The following SORCS1 variants were observed in gnomAD, a reference collection of about 807,000 sequenced individuals.
SORCS1 encodes the protein sortilin related VPS10 domain containing receptor 1, also known as VPS10 domain-containing receptor SorCS1.
A neutral mutation model predicts 146.1 loss-of-function variants in SORCS1; 60 were observed. The ratio of observed to expected loss-of-function variants is 0.41; its 90% CI spans 0.33 to 0.51. The LOEUF is 0.51. SORCS1 is among the 20% of genes least tolerant of loss of function. SORCS1 has a pLI of 0.21. For missense variants in SORCS1, 1,352 were observed against 1,487.6 expected (o/e 0.91, Z 1.50); for synonymous variants, 637 against 584.0 (o/e 1.09, Z -1.31).
chr10:106,983,617 G>A (rs893094819), intron 1 of SORCS1, among the ~76,000 whole-genome samples: 1 of 152,074 alleles, frequency 6.6e-6, no homozygotes, highest in Non-Finnish European at 1.5e-5. Context: ...TAGAGGTCCC[G>A]TAAGCAACAC....
chr10:107,137,348 C>T (rs1258597475), intron 1 of SORCS1, among the ~76,000 whole-genome samples: 1 of 152,162 alleles, frequency 6.6e-6, no homozygotes, highest in Non-Finnish European at 1.5e-5. Flanking sequence ...TCCTGGATGT[C>T]AGCATATAGT....
At chr10:107,037,900 C>G (rs1958972835) in intron 1 of SORCS1, among the ~76,000 whole-genome samples, 1 of 152,210 alleles carries the variant, frequency 6.6e-6, no homozygotes, top group Non-Finnish European at 1.5e-5. Flanking sequence ...GATCTTGGCT[C>G]ATTGCAGCCT....
intron 2 of SORCS1, among the ~76,000 whole-genome samples, chr10:106,885,193 T>C (rs1029073314): frequency 1.3e-5 from 2 of 152,022 alleles, no homozygotes; most frequent in African/African-American, 4.8e-5. Flanking sequence ...AATAATCATA[T>C]AATTTTTTCT....
At chr10:107,023,516 C>A (rs2133884316) in intron 1 of SORCS1, among the ~76,000 whole-genome samples, 1 of 152,242 alleles carries the variant, frequency 6.6e-6, no homozygotes, top group East Asian at 1.9e-4. Context: ...AAACACAAAG[C>A]AGAGCTTGTG....
intron 2 of SORCS1, among the ~76,000 whole-genome samples, chr10:106,949,092 G>C (rs369331018): frequency 2.0e-5 from 3 of 152,228 alleles, no homozygotes; most frequent in African/African-American, 7.2e-5. Flanking sequence ...GAACACCTCC[G>C]GATCCTGCCT....
At chr10:106,653,992 C>A (rs1302272876) in intron 17 of SORCS1, among the ~76,000 whole-genome samples, 1 of 152,168 alleles carries the variant, frequency 6.6e-6, no homozygotes, top group African/African-American at 2.4e-5. Flanking sequence ...CTCTTTCTCC[C>A]TCATAAGCCC....
intron 5 of SORCS1, among the ~76,000 whole-genome samples, chr10:106,742,301 C>A (rs148288703): frequency 6.6e-6 from 1 of 152,226 alleles, no homozygotes; most frequent in East Asian, 1.9e-4. Context: ...ACTGAGATAT[C>A]TTAGGGATGG....
At chr10:106,828,427 G>A (rs935306658) in intron 3 of SORCS1, among the ~76,000 whole-genome samples, 2 of 152,142 alleles carry the variant, frequency 1.3e-5, no homozygotes, top group African/African-American at 4.8e-5. Context: ...CACGTTTGGG[G>A]ACCACTTTTG....
intron 3 of SORCS1, among the ~76,000 whole-genome samples, chr10:106,824,186 C>T (rs913709913): frequency 6.6e-6 from 1 of 151,724 alleles, no homozygotes; most frequent in Non-Finnish European, 1.5e-5. Flanking sequence ...TGCCTTTAGT[C>T]CCAGCTACTC....
intron 4 of SORCS1, among the ~76,000 whole-genome samples, chr10:106,763,006 C>G (rs1008356124): frequency 4.6e-5 from 7 of 151,976 alleles, no homozygotes; most frequent in Non-Finnish European, 5.9e-5. Context: ...TTTTTTTAAG[C>G]CCGGAGCTCT....
At chr10:107,033,330 C>A (rs1016639699) in intron 1 of SORCS1, among the ~76,000 whole-genome samples, 1 of 152,074 alleles carries the variant, frequency 6.6e-6, no homozygotes. Context: ...GATCGCAACT[C>A]GAAATGAGAT....
chr10:107,139,806 A>G (rs1292588855), intron 1 of SORCS1, among the ~76,000 whole-genome samples: 2 of 152,220 alleles, frequency 1.3e-5, no homozygotes, highest in Non-Finnish European at 2.9e-5. Context: ...CATGGCTAAT[A>G]ACTGGATCAT....
intron 12 of SORCS1, among the ~76,000 whole-genome samples, chr10:106,678,069 C>G (rs1391194500): frequency 6.6e-6 from 1 of 152,156 alleles, no homozygotes; most frequent in Non-Finnish European, 1.5e-5. Context: ...ACAATGGAAA[C>G]AATCTCTAGA....
intron 5 of SORCS1, among the ~76,000 whole-genome samples, chr10:106,747,865 G>A (rs569864492): frequency 2.0e-4 from 29 of 142,276 alleles, no homozygotes; most frequent in African/African-American, 7.9e-4. Flanking sequence ...ACTCTGATCC[G>A]ATAACTATAT....
chr10:107,082,626 T>C (rs1963417986), intron 1 of SORCS1, among the ~76,000 whole-genome samples: 1 of 151,888 alleles, frequency 6.6e-6, no homozygotes, highest in African/African-American at 2.4e-5. Flanking sequence ...GGATTACAGG[T>C]TTGTGCCACT....
At chr10:106,876,901 T>C (rs913600954) in intron 2 of SORCS1, among the ~76,000 whole-genome samples, 13 of 152,334 alleles carry the variant, frequency 8.5e-5, no homozygotes, top group Non-Finnish European at 1.2e-4. Flanking sequence ...TTCTGATAAC[T>C]GAAGAGGGGG....
intron 2 of SORCS1, among the ~76,000 whole-genome samples, chr10:106,884,262 A>G (rs1476789903): frequency 6.6e-6 from 1 of 152,176 alleles, no homozygotes; most frequent in Admixed American, 6.5e-5. Context: ...TAGTCTAGCC[A>G]CAGCCTATTG....
intron 6 of SORCS1, among the ~76,000 whole-genome samples, chr10:106,713,723 G>A (rs993463241): frequency 6.6e-6 from 1 of 152,144 alleles, no homozygotes; most frequent in Admixed American, 6.5e-5. Flanking sequence ...GTATGTGGTT[G>A]CAACGTGGTT....
rs1564941667 is a variant in SORCS1 at position 106,761,940 on chromosome 10, T to C, written c.886-279A>G. ...AAAGAAGTGGTTGAATGAACTGGAA[T>C]GCACACCCTGTTCTGCCTGGCGATA... is the stretch of plus-strand genomic sequence containing the variant. On this transcript the variant is annotated intron_variant, in intron 4 of 25. Coordinates refer to ENST00000263054, the MANE Select transcript of SORCS1 (RefSeq NM_052918.5). Among the ~76,000 whole-genome samples, 4 of 152,354 alleles carry C rather than the reference T, an allele frequency of 2.6e-5. No homozygotes were observed. In the East Asian group the frequency reaches 5.8e-4, roughly 22 times the overall value.
Sources: allele counts gnomAD v4.1 joint callset (sites outside exome capture counted in the v4.1 genomes callset), GRCh38; gene constraint gnomAD v4.1.1; transcripts MANE v1.5; gene names NCBI Gene and HGNC (gene_info 2026-07-23, HGNC 2026-07-21).